Variants in KCNQ1 observed in about 807,000 individuals in gnomAD.
KCNQ1 encodes the protein potassium voltage-gated channel subfamily KQT member 1.
Under a neutral mutation model 72.4 loss-of-function variants are expected in KCNQ1, and 49 were observed. The observed-to-expected ratio is 0.68, with a 90% CI of 0.54 to 0.86. The LOEUF (loss-of-function observed/expected upper bound fraction) is 0.86, where lower values mean the gene tolerates loss of function less well. Ranked by LOEUF, KCNQ1 falls within the 40% of genes least tolerant of loss-of-function variation. KCNQ1 has a pLI of 0.00. For missense variants in KCNQ1, 790 were observed against 945.1 expected (o/e 0.84, Z 2.15); for synonymous variants, 450 against 412.6 (o/e 1.09, Z -1.10).
chr11:2,671,921 C>T lies in KCNQ1; in HGVS notation c.1514+9840C>T, dbSNP rs1177691875. 7.5e-6 allele frequency: 3 copies of T among 398,732 alleles called. No individual in the cohort carries two copies. Among genetic ancestry groups the T allele is most frequent in the Non-Finnish European group, 8.8e-6 (2 of 226,122 alleles). 24.7% of individuals were successfully genotyped at this position (398,732 alleles called of 1,614,324 possible). ...CCAGCCTGTGGGCCCCGCTATGCTTCCTCAGGCAGCTAGTCTCTGTATCTG... is the reference window on the plus strand; with the variant it reads ...CCAGCCTGTGGGCCCCGCTATGCTTTCTCAGGCAGCTAGTCTCTGTATCTG... On this transcript the variant is annotated intron_variant, in intron 11 of 15. Transcript: ENST00000155840. This position sits in a 1 kb window ranked among gnomAD's most constrained non-coding sequence, Gnocchi z 4.7.
rs1849588757 is a variant in KCNQ1, at chr11:2,642,079, G to A, written c.1394-19882G>A. 1 of 398,256 alleles carries A rather than the reference G, an allele frequency of 2.5e-6. No individual in the cohort carries two copies. Among genetic ancestry groups the A allele is most frequent in the African/African-American group, 2.1e-5 (1 of 48,676 alleles). 24.7% of individuals were successfully genotyped at this position (398,256 alleles called of 1,614,324 possible). On this transcript the variant is annotated intron_variant, in intron 10 of 15. Coordinates refer to ENST00000155840, the MANE Select transcript of KCNQ1 (RefSeq NM_000218.3). This position sits in a 1 kb window ranked among gnomAD's most constrained non-coding sequence, Gnocchi z 4.3. ...TGATGCATCCAACTTTGTTATTTTT[G>A]CTCAGAATTGCTGTGGCTATTCCAG...
rs79680256 is a variant in KCNQ1, at chr11:2,648,782, A to G, written c.1394-13179A>G. On this transcript the variant is annotated intron_variant, in intron 10 of 15. Transcript: ENST00000155840. Reference sequence around the variant, plus strand: ...TGTTGATATTTTTCCATCCAAATGAATTGTCCAATGCTGAGTATGAAATGT... The same window carrying G: ...TGTTGATATTTTTCCATCCAAATGAGTTGTCCAATGCTGAGTATGAAATGT... 3.7e-3 allele frequency: 1,458 copies of G among 398,456 alleles called. 4 individuals carry two copies. Among genetic ancestry groups the G allele is most frequent in the Non-Finnish European group, 5.2e-3 (1,168 of 226,004 alleles). The allele number at this position is 398,456 out of a possible 1,614,324, so 24.7% of individuals were successfully genotyped here.
Position 2,588,234 on chromosome 11 carries a change from CT to C in KCNQ1, c.1252-478del, listed in dbSNP as rs1450333867. 6.6e-6 allele frequency among the ~76,000 whole-genome samples: 1 copy of C among 152,094 alleles called. No individual in the cohort carries two copies. Among genetic ancestry groups the C allele is most frequent in the Non-Finnish European group, 1.5e-5 (1 of 67,976 alleles). On this transcript the variant is annotated intron_variant, in intron 9 of 15. Transcript: ENST00000155840. The surrounding 1 kb of genome is among the most constrained non-coding windows in gnomAD (Gnocchi z 5.6). ...CCCCTTCCTGGCCCGTGCCCACCCC[CT>C]GTGGAGAGACCTGGCCTTCCCAGTT...
chr11:2,580,750 G>T (rs184699660), intron 6 of KCNQ1, among the ~76,000 whole-genome samples: 2 of 152,218 alleles, frequency 1.3e-5, no homozygotes, highest in Non-Finnish European at 2.9e-5. Flanking sequence ...CACCTTGGGC[G>T]CTGGTCTGCC....
At chr11:2,644,212 C>CTGGGACACTGAAGGTGTCACCTTA (rs1333632151) in intron 10 of KCNQ1, 3 of 398,436 alleles carry the variant, frequency 7.5e-6, no homozygotes, top group Non-Finnish European at 1.3e-5. Flanking sequence ...TCTTCACCTT[C>CTGGGACACTGAAGGTGTCACCTTA]TGGGACACTG....
At chr11:2,791,664 C>T (rs887718326) in intron 15 of KCNQ1, among the ~76,000 whole-genome samples, 3 of 152,100 alleles carry the variant, frequency 2.0e-5, no homozygotes, top group African/African-American at 7.2e-5. Flanking sequence ...AGGTGTGGAC[C>T]CCGAGGTTGT....
chr11:2,671,570 C>G lies in KCNQ1; in HGVS notation c.1514+9489C>G, dbSNP rs141280288. ...TGACTTATCTCCTAAGTCTTTGGCA[C>G]TGAGCATTTATACAAGATCAGACTG... On this transcript the variant is annotated intron_variant, in intron 11 of 15. Transcript: ENST00000155840. The surrounding 1 kb of genome is among the most constrained non-coding windows in gnomAD (Gnocchi z 4.7). 2.0e-5 allele frequency: 8 copies of G among 398,630 alleles called. No individual in the cohort carries two copies. In the East Asian group the frequency reaches 2.8e-4, roughly 14 times the overall value. The allele number at this position is 398,630 out of a possible 1,614,324, so 24.7% of individuals were successfully genotyped here.
At position 2,772,310 on chromosome 11, in the gene KCNQ1, C is replaced by G. The variant is rs1031665773; in HGVS notation, c.1590+3391C>G. On this transcript the variant is annotated intron_variant, in intron 12 of 15. Transcript: ENST00000155840. The surrounding 1 kb of genome is among the most constrained non-coding windows in gnomAD (Gnocchi z 6.6). Reference sequence around the variant, plus strand: ...CTGCCTACCTTGCTGGCTGATAAGTCCTTGGCCAACCACCCCTGTGTCTGG... The same window carrying G: ...CTGCCTACCTTGCTGGCTGATAAGTGCTTGGCCAACCACCCCTGTGTCTGG... Among the ~76,000 whole-genome samples, 3 of 152,078 alleles carry G rather than the reference C, an allele frequency of 2.0e-5. No individual in the cohort carries two copies. The highest frequency in any genetic ancestry group is 1.3e-4 in the Admixed American group (2 of 15,274).
chr11:2,553,287 A>C (rs79588124), intron 2 of KCNQ1, among the ~76,000 whole-genome samples: 1 of 145,050 alleles, frequency 6.9e-6, no homozygotes, highest in South Asian at 2.2e-4. Context: ...TCTTGTTTTT[A>C]CTTGAATGCA....
rs980102871 is a variant in KCNQ1 at position 2,478,022 on chromosome 11, G to A, written c.386+32538G>A. ...AAAAGAATCACTTTCTAGAGGCAAA[G>A]CTGGCGACACCACCCGAGCCAAGTG... On this transcript the variant is annotated intron_variant, in intron 1 of 15. Transcript: ENST00000155840. This position sits in a 1 kb window ranked among gnomAD's most constrained non-coding sequence, Gnocchi z 4.0. Among the ~76,000 whole-genome samples, 5 of 152,150 alleles carry A rather than the reference G, an allele frequency of 3.3e-5. No homozygotes were observed. The highest frequency in any genetic ancestry group is 1.2e-4 in the African/African-American group (5 of 41,426).
intron 15 of KCNQ1, among the ~76,000 whole-genome samples, chr11:2,843,485 A>C (rs1848254346): frequency 6.6e-6 from 1 of 152,212 alleles, no homozygotes; most frequent in South Asian, 2.1e-4. Flanking sequence ...CAAGGATGCT[A>C]GAAGGGGCAG....
intron 1 of KCNQ1, among the ~76,000 whole-genome samples, chr11:2,449,188 C>T (rs982364591): frequency 2.0e-5 from 3 of 152,236 alleles, no homozygotes; most frequent in Non-Finnish European, 2.9e-5. Flanking sequence ...GGTGCTGGCA[C>T]CTTCAGTGCA....
In KCNQ1 at chr11:2,463,287, C is replaced by T. The variant is rs1846305224; in HGVS notation, c.386+17803C>T. On this transcript the variant is annotated intron_variant, in intron 1 of 15. Coordinates refer to ENST00000155840, the MANE Select transcript of KCNQ1 (RefSeq NM_000218.3). The surrounding 1 kb of genome is among the most constrained non-coding windows in gnomAD (Gnocchi z 7.0). ...ACACAGAAGGCAGGAATGCAGAAGG[C>T]CTTTCAGAAGTTCTCACTGGCCTGC... 6.6e-6 allele frequency among the ~76,000 whole-genome samples: 1 copy of T among 152,180 alleles called. No homozygotes were observed.
intron 1 of KCNQ1, among the ~76,000 whole-genome samples, chr11:2,469,259 A>C (rs1316275073): frequency 6.6e-6 from 1 of 151,518 alleles, no homozygotes; most frequent in African/African-American, 2.4e-5. Flanking sequence ...CATTGAATTC[A>C]AGAGTTTTTT....
At chr11:2,736,230 G>A (rs1039234445) in intron 11 of KCNQ1, among the ~76,000 whole-genome samples, 7 of 152,208 alleles carry the variant, frequency 4.6e-5, no homozygotes, top group African/African-American at 1.7e-4. Flanking sequence ...CAGTCCAGGG[G>A]ATTAGAGGAC....
At chr11:2,639,744 G>A (rs1213645577) in intron 10 of KCNQ1, 1 of 152,394 alleles carries the variant, frequency 6.6e-6, no homozygotes, top group Non-Finnish European at 1.5e-5. Context: ...AAAGCTGTGA[G>A]ACAGGGACAT....
Position 2,451,936 on chromosome 11 carries a change from G to A in KCNQ1, c.386+6452G>A, listed in dbSNP as rs1010812160. ...CAAGTGAGGTGGTGCACTATTCCTG[G>A]CCTCAGGCCCAGTTTGTATCCATGG... On this transcript the variant is annotated intron_variant, in intron 1 of 15. Coordinates refer to ENST00000155840, the MANE Select transcript of KCNQ1 (RefSeq NM_000218.3). The surrounding 1 kb of genome is among the most constrained non-coding windows in gnomAD (Gnocchi z 6.4). Among the ~76,000 whole-genome samples, 1 of 152,120 alleles carries A rather than the reference G, an allele frequency of 6.6e-6. No individual in the cohort carries two copies. Among genetic ancestry groups the A allele is most frequent in the Non-Finnish European group, 1.5e-5 (1 of 68,020 alleles).
intron 15 of KCNQ1, among the ~76,000 whole-genome samples, chr11:2,804,866 C>A (rs535921160): frequency 6.6e-6 from 1 of 152,202 alleles, no homozygotes; most frequent in Non-Finnish European, 1.5e-5. Context: ...GAGGCACGGG[C>A]CCACAGTTGC....
chr11:2,709,712 A>G (rs1306979869), intron 11 of KCNQ1, among the ~76,000 whole-genome samples: 1 of 152,106 alleles, frequency 6.6e-6, no homozygotes, highest in Non-Finnish European at 1.5e-5. Flanking sequence ...TGTTCTGAAC[A>G]TTTCACATAG....
Sources: gnomAD v4.1 joint callset for allele counts (sites outside exome capture counted in the v4.1 genomes callset) on GRCh38, gnomAD v4.1.1 for gene constraint, Gnocchi (gnomAD v3.1) non-coding constraint, MANE v1.5 for transcripts, NCBI Gene and HGNC (gene_info 2026-07-23, HGNC 2026-07-21) for gene names.